The following OR56A3 variants were observed in gnomAD, a reference collection of about 807,000 sequenced individuals.
The protein encoded by OR56A3 is olfactory receptor 56A3.
A neutral mutation model predicts 17.5 loss-of-function variants in OR56A3; 23 were observed. The ratio of observed to expected loss-of-function variants is 1.32; its 90% CI spans 0.95 to 1.87. OR56A3 has a LOEUF of 1.87. Ranked by LOEUF, OR56A3 falls within the 40% of genes most tolerant of loss-of-function variation. The pLI, the probability that OR56A3 is intolerant of heterozygous loss-of-function variation, is 0.00. For missense variants in OR56A3, 366 were observed against 380.1 expected (o/e 0.96, Z 0.31); for synonymous variants, 175 against 150.6 (o/e 1.16, Z -1.19).
the OR56A3 span, among the ~76,000 whole-genome samples, chr11:5,980,883 T>C: frequency 0.25 from 37,705 of 152,096 alleles, 4,758 homozygotes; most frequent in Non-Finnish European, 0.27. Context: ...TATCATTTGC[T>C]TGTGTAAAAA....
At chr11:5,987,321 C>T in the OR56A3 span, among the ~76,000 whole-genome samples, 1 of 152,224 alleles carries the variant, frequency 6.6e-6, no homozygotes, top group African/African-American at 2.4e-5. Context: ...AGTTGTTCCC[C>T]CTGTAGCCTT....
chr11:5,962,629 C>T, the OR56A3 span, among the ~76,000 whole-genome samples: 1 of 150,840 alleles, frequency 6.6e-6, no homozygotes, highest in Non-Finnish European at 1.5e-5. Flanking sequence ...AGCTCCGCTT[C>T]CCGGGTTCAC....
chr11:5,948,402 C>T lies in OR56A3; in HGVS notation c.*108C>T. 1 of 703,954 alleles carries T rather than the reference C, an allele frequency of 1.4e-6. No homozygotes were observed. The highest frequency in any genetic ancestry group is 2.4e-6 in the Non-Finnish European group (1 of 417,400). 43.6% of individuals were successfully genotyped at this position (703,954 alleles called of 1,614,324 possible). On this transcript the variant is annotated 3_prime_UTR_variant, in exon 3 of 3. Coordinates refer to ENST00000641160, the MANE Select transcript of OR56A3 (RefSeq NM_001003443.3). The stretch of plus-strand genomic sequence containing the variant: ...GTGACTTATAACCTCAAACTGGGTA[C>T]ACTAGATATTGTGTGTGCTTTTCAA...
the OR56A3 span, among the ~76,000 whole-genome samples, chr11:5,961,173 G>C: frequency 6.6e-6 from 1 of 151,868 alleles, no homozygotes; most frequent in Non-Finnish European, 1.5e-5. Context: ...TCTGGGAGGT[G>C]GGGGGCCCCT....
the OR56A3 span, chr11:6,017,062 C>T: frequency 6.6e-6 from 1 of 151,826 alleles, no homozygotes; most frequent in Non-Finnish European, 1.5e-5. Flanking sequence ...CAGGGTCAGG[C>T]CTGGTTAGTA....
chr11:5,974,232 G>A, the OR56A3 span, among the ~76,000 whole-genome samples: 304 of 151,252 alleles, frequency 2.0e-3, no homozygotes, highest in African/African-American at 3.1e-3. Context: ...TCAGCCTCCC[G>A]AGTAGCTGGG....
At chr11:6,008,967 A>C in the OR56A3 span, among the ~76,000 whole-genome samples, 3 of 152,124 alleles carry the variant, frequency 2.0e-5, no homozygotes, top group Non-Finnish European at 2.9e-5. Context: ...CAAATGAGAG[A>C]TATATTATTA....
chr11:5,982,001 C>G, the OR56A3 span, among the ~76,000 whole-genome samples: 2 of 152,202 alleles, frequency 1.3e-5, no homozygotes, highest in African/African-American at 2.4e-5. Flanking sequence ...GCTGTGTTCT[C>G]TGGCCCCTCT....
At chr11:6,005,190 AG>A in the OR56A3 span, among the ~76,000 whole-genome samples, 2 of 152,116 alleles carry the variant, frequency 1.3e-5, no homozygotes, top group Admixed American at 6.5e-5. Flanking sequence ...TTATTGTGGG[AG>A]GGGAAAGGGG....
the OR56A3 span, among the ~76,000 whole-genome samples, chr11:5,993,722 A>T: frequency 6.6e-6 from 1 of 152,254 alleles, no homozygotes; most frequent in African/African-American, 2.4e-5. Flanking sequence ...ATCTTTAAAA[A>T]GTAAAAGAAA....
chr11:5,948,638 T>C lies in OR56A3; in HGVS notation c.*344T>C. The C allele has an allele frequency of 4.5e-6, 1 of 222,858 alleles. No individual in the cohort carries two copies. Among genetic ancestry groups the C allele is most frequent in the East Asian group, 9.7e-5 (1 of 10,356 alleles). 13.8% of individuals were successfully genotyped at this position (222,858 alleles called of 1,614,324 possible). A position where few individuals can be genotyped will look rare whatever the true frequency, so the allele number is the denominator to read the frequency against. ...GTATCATTAAAAATACAACTGCGGT[T>C]ATTTTGTTGTGTCTGTTATGTGTAA... On this transcript the variant is annotated 3_prime_UTR_variant, in exon 3 of 3. Coordinates refer to ENST00000641160, the MANE Select transcript of OR56A3 (RefSeq NM_001003443.3).
the OR56A3 span, among the ~76,000 whole-genome samples, chr11:6,007,174 T>C: frequency 6.6e-6 from 1 of 152,144 alleles, no homozygotes; most frequent in Admixed American, 6.5e-5. Context: ...TTAACAAAAA[T>C]GGCATTCATC....
Position 5,947,741 on chromosome 11 carries a change from A to G in OR56A3, c.395A>G (p.His132Arg), listed in dbSNP as rs774041477. Residue 132 changes from histidine (H) to arginine (R), a missense_variant, in exon 3 of 3, where the codon CAC (histidine) becomes CGC (arginine). Physicochemically the swap from His to Arg is conservative, Grantham distance 29. Transcript: ENST00000641160. The stretch of plus-strand genomic sequence containing the variant: ...TATGATCGTTATGTAGCCATCTGCC[A>G]CCCACTGAGATATCCATCAATCATC... ...MAYDRYVAIC[H>R]PLRYPSIITD... 3 of 1,614,136 alleles carry G rather than the reference A, an allele frequency of 1.9e-6. No individual in the cohort carries two copies. Among genetic ancestry groups the G allele is most frequent in the Non-Finnish European group, 2.5e-6 (3 of 1,180,020 alleles).
At chr11:6,009,348 G>A in the OR56A3 span, among the ~76,000 whole-genome samples, 2 of 151,978 alleles carry the variant, frequency 1.3e-5, no homozygotes, top group East Asian at 3.9e-4. Context: ...GTTTTTAACT[G>A]CTCCAAAATT....
chr11:5,988,000 T>A, the OR56A3 span, among the ~76,000 whole-genome samples: 1 of 152,256 alleles, frequency 6.6e-6, no homozygotes, highest in East Asian at 1.9e-4. Flanking sequence ...TAAAAGATTA[T>A]CAAAAGTTAT....
chr11:5,994,500 C>T, the OR56A3 span: 1 of 794,586 alleles, frequency 1.3e-6, no homozygotes, highest in Non-Finnish European at 2.2e-6. Context: ...GCTTGTAGGC[C>T]TTTTACTTCC....
chr11:5,986,033 G>A, the OR56A3 span: 1 of 1,613,740 alleles, frequency 6.2e-7, no homozygotes, highest in Non-Finnish European at 8.5e-7. Flanking sequence ...GGTGGCATGA[G>A]GAGATACCGT....
At chr11:6,012,516 A>C in the OR56A3 span, among the ~76,000 whole-genome samples, 1 of 152,054 alleles carries the variant, frequency 6.6e-6, no homozygotes, top group African/African-American at 2.4e-5. Context: ...CTCTGCAGGC[A>C]GGTCATCCCA....
chr11:5,999,155 A>G, the OR56A3 span, among the ~76,000 whole-genome samples: 3 of 152,204 alleles, frequency 2.0e-5, no homozygotes, highest in Non-Finnish European at 4.4e-5. Flanking sequence ...TAACCCTCAC[A>G]TAAGCAAGAG....
Sources: gnomAD v4.1 joint callset for allele counts (sites outside exome capture counted in the v4.1 genomes callset) on GRCh38, gnomAD v4.1.1 for gene constraint, MANE v1.5 for transcripts, NCBI Gene and HGNC (gene_info 2026-07-23, HGNC 2026-07-21) for gene names.